Variants in MAP2 observed in about 807,000 individuals in gnomAD.
MAP2 encodes the protein microtubule associated protein 2, also known as microtubule-associated protein 2.
MAP2 carries 14 observed loss-of-function variants against 137.6 expected under a neutral mutation model. The ratio of observed to expected loss-of-function variants is 0.10; its 90% CI spans 0.07 to 0.16. The LOEUF is 0.16. Ranked by LOEUF, MAP2 falls within the 10% of genes least tolerant of loss-of-function variation. The probability of loss-of-function intolerance (pLI) is 1.00; values close to 1 mark genes in which losing one functional copy is unlikely to be tolerated. For missense variants in MAP2, 2,088 were observed against 2,191.5 expected, an observed-to-expected ratio of 0.95 and a Z score of 0.94; for synonymous variants, 786 against 782.3, an observed-to-expected ratio of 1.00 and a Z score of -0.08.
intron 2 of MAP2, among the ~76,000 whole-genome samples, chr2:209,575,066 G>A (rs185979469): frequency 6.6e-6 from 1 of 152,240 alleles, no homozygotes; most frequent in East Asian, 1.9e-4. Flanking sequence ...TTAATACCAA[G>A]AGAAGGCATG....
chr2:209,589,619 T>A (rs1171732307), intron 3 of MAP2, among the ~76,000 whole-genome samples: 1 of 152,196 alleles, frequency 6.6e-6, no homozygotes, highest in Non-Finnish European at 1.5e-5. Context: ...CAGTCTTTAC[T>A]GAAATGGTTT....
At chr2:209,443,641 TTTC>T (rs1370432226) in intron 1 of MAP2, among the ~76,000 whole-genome samples, 2 of 151,642 alleles carry the variant, frequency 1.3e-5, no homozygotes, top group Non-Finnish European at 3.0e-5. Context: ...TCAACCTCAG[TTTC>T]TTCACTTCGG....
intron 2 of MAP2, among the ~76,000 whole-genome samples, chr2:209,513,087 A>G (rs993109624): frequency 2.0e-5 from 3 of 152,190 alleles, no homozygotes; most frequent in Non-Finnish European, 4.4e-5. Flanking sequence ...TTGCACTTAA[A>G]AAAAGTGTAG....
chr2:209,442,259 G>A (rs1383590904), intron 1 of MAP2, among the ~76,000 whole-genome samples: 1 of 151,474 alleles, frequency 6.6e-6, no homozygotes, highest in East Asian at 1.9e-4. Context: ...AAAGGAAAAA[G>A]TGTAGATATA....
intron 1 of MAP2, among the ~76,000 whole-genome samples, chr2:209,461,822 C>G (rs1702890625): frequency 6.6e-6 from 1 of 152,136 alleles, no homozygotes; most frequent in Non-Finnish European, 1.5e-5. Flanking sequence ...TCAGCCTCTT[C>G]TTTTGCCACT....
At chr2:209,649,492 A>T (rs1215158535) in intron 4 of MAP2, among the ~76,000 whole-genome samples, 2 of 152,184 alleles carry the variant, frequency 1.3e-5, no homozygotes, top group African/African-American at 2.4e-5. Flanking sequence ...AGTATAAGTG[A>T]AATTTATCAT....
chr2:209,704,583 C>T (rs149575058), intron 11 of MAP2: 3 of 1,608,492 alleles, frequency 1.9e-6, no homozygotes, highest in African/African-American at 1.3e-5. Context: ...TCAGCAGGCT[C>T]CACAGACCGT....
In MAP2 at chr2:209,446,900, C is replaced by G. The variant is rs146431363; in HGVS notation, c.-222+22624C>G. The stretch of plus-strand genomic sequence containing the variant: ...AAAGAGTGGTATTAGTTTTCCAAAA[C>G]TTCAGAGGTTTGACAGTGTCACTTC... On this transcript the variant is annotated intron_variant, in intron 1 of 15. Coordinates refer to ENST00000682079, the MANE Select transcript of MAP2 (RefSeq NM_001375505.1). Among the ~76,000 whole-genome samples the G allele has an allele frequency of 2.9e-3, 446 of 152,012 alleles. 3 individuals carry two copies. Among genetic ancestry groups the G allele is most frequent in the African/African-American group, 0.01 (424 of 41,542 alleles).
chr2:209,477,406 T>C (rs1417937502), intron 1 of MAP2, among the ~76,000 whole-genome samples: 4 of 152,166 alleles, frequency 2.6e-5, no homozygotes, highest in Non-Finnish European at 5.9e-5. Flanking sequence ...TAAAAAAAAT[T>C]AAAAATAATG....
chr2:209,558,312 C>T (rs2071156456), intron 2 of MAP2, among the ~76,000 whole-genome samples: 2 of 152,112 alleles, frequency 1.3e-5, no homozygotes, highest in African/African-American at 4.8e-5. Flanking sequence ...CCTCAGCCTC[C>T]CAAGTAGTTG....
intron 1 of MAP2, among the ~76,000 whole-genome samples, chr2:209,472,126 A>T (rs945589977): frequency 6.6e-6 from 1 of 152,188 alleles, no homozygotes; most frequent in Admixed American, 6.5e-5. Flanking sequence ...TTACAACGTG[A>T]TGCTATGGGA....
intron 13 of MAP2, among the ~76,000 whole-genome samples, chr2:209,722,821 C>T (rs2071805606): frequency 6.6e-6 from 1 of 152,218 alleles, no homozygotes; most frequent in African/African-American, 2.4e-5. Context: ...CTGCTGGCCT[C>T]AATCAAGGCC....
At chr2:209,469,631 C>G (rs1383744676) in intron 1 of MAP2, among the ~76,000 whole-genome samples, 7 of 152,130 alleles carry the variant, frequency 4.6e-5, no homozygotes, top group Non-Finnish European at 1.0e-4. Context: ...TGCAGCCTCC[C>G]TTCACAACCA....
At chr2:209,688,497 A>G (rs1272712672) in intron 7 of MAP2, among the ~76,000 whole-genome samples, 2 of 152,218 alleles carry the variant, frequency 1.3e-5, no homozygotes, top group African/African-American at 4.8e-5. Context: ...TGTTATGGAA[A>G]CAATTTATTT....
In MAP2 at chr2:209,693,031, C is replaced by T; in HGVS notation, c.861C>T (p.Gly287=). Residue 287 remains glycine, a synonymous_variant, in exon 8 of 16, where the codon GGC becomes GGT. Transcript: ENST00000682079. ...GTTTAGTTGCCCCCATATCTCCTGG[C>T]CCTCTGACTCCCATGAGGGAAAAAG... ...EWGLVAPISP[G]PLTPMREKDV... is the part of the protein sequence containing the mutation. 1 of 1,611,896 alleles carries T rather than the reference C, an allele frequency of 6.2e-7. No individual in the cohort carries two copies. Among genetic ancestry groups the T allele is most frequent in the Non-Finnish European group, 8.5e-7 (1 of 1,179,344 alleles).
At chr2:209,457,386 T>G (rs549175311) in intron 1 of MAP2, among the ~76,000 whole-genome samples, 1 of 152,306 alleles carries the variant, frequency 6.6e-6, no homozygotes, top group East Asian at 1.9e-4. Context: ...TGCTAGAAAA[T>G]GACTGCATAC....
intron 1 of MAP2, among the ~76,000 whole-genome samples, chr2:209,430,385 G>A (rs1399554339): frequency 6.6e-6 from 1 of 151,650 alleles, no homozygotes; most frequent in Non-Finnish European, 1.5e-5. Flanking sequence ...TTGTGTGTTT[G>A]TGTATAATTA....
At chr2:209,501,323 T>C (rs1221870643) in intron 1 of MAP2, among the ~76,000 whole-genome samples, 1 of 152,234 alleles carries the variant, frequency 6.6e-6, no homozygotes, top group East Asian at 1.9e-4. Context: ...AGATGTCTGC[T>C]ATTTTCATCT....
intron 2 of MAP2, among the ~76,000 whole-genome samples, chr2:209,525,629 T>C (rs944684582): frequency 1.3e-5 from 2 of 152,162 alleles, no homozygotes; most frequent in Admixed American, 6.5e-5. Flanking sequence ...TGTAGTTATA[T>C]AGAAATTACT....
Sources: gnomAD v4.1 joint callset for allele counts (sites outside exome capture counted in the v4.1 genomes callset) on GRCh38, gnomAD v4.1.1 for gene constraint, MANE v1.5 for transcripts, NCBI Gene and HGNC (gene_info 2026-07-23, HGNC 2026-07-21) for gene names.